The following PSMG4 variants were observed in gnomAD, a reference collection of about 807,000 sequenced individuals.
PSMG4 encodes the protein proteasome (prosome, macropain) assembly chaperone 4.
A neutral mutation model predicts 11.0 loss-of-function variants in PSMG4; 10 were observed. The ratio of observed to expected loss-of-function variants is 0.91; its 90% confidence interval spans 0.56 to 1.54. PSMG4 has a LOEUF of 1.54. PSMG4 is among the 40% of genes most tolerant of loss of function. PSMG4 has a pLI of 0.00. For synonymous variants in PSMG4, 95 were observed against 71.3 expected, an observed-to-expected ratio of 1.33 and a Z score of -1.68; for missense variants, 198 against 160.9, an observed-to-expected ratio of 1.23 and a Z score of -1.25.
At chr6:3,258,007 C>G (rs1757823954), upstream of PSMG4, among the ~76,000 whole-genome samples, 1 of 152,204 alleles carries the variant, frequency 6.6e-6, no homozygotes. Context: ...ATTTTTAAAG[C>G]AGACCTTTTA....
chr6:3,255,174 T>A, upstream of PSMG4: 1 of 1,550,774 alleles, frequency 6.4e-7, no homozygotes, highest in Non-Finnish European at 8.7e-7. Context: ...ACGGCTTACA[T>A]GTGCGCTCTG....
intron 1 of PSMG4, 112 bp downstream of exon 1, chr6:3,259,308 C>A: frequency 1.0e-6 from 1 of 979,406 alleles, no homozygotes; most frequent in Non-Finnish European, 1.3e-6. Context: ...GCGCCCTACT[C>A]CCCCGAAGCC....
chr6:3,256,243 A>AG, upstream of PSMG4, among the ~76,000 whole-genome samples: 1 of 152,318 alleles, frequency 6.6e-6, no homozygotes, highest in South Asian at 2.1e-4. Flanking sequence ...CCTATAGGGC[A>AG]CAGATCCAAT....
chr6:3,259,516 C>A (rs1016564517), intron 1 of PSMG4, among the ~76,000 whole-genome samples: 1 of 152,234 alleles, frequency 6.6e-6, no homozygotes, highest in African/African-American at 2.4e-5. Flanking sequence ...AGCTCTCCTG[C>A]CATCTGGATT....
chr6:3,260,285 ATATATAT>A (rs1330517072), intron 1 of PSMG4, among the ~76,000 whole-genome samples: 4 of 13,462 alleles, frequency 3.0e-4, no homozygotes, highest in African/African-American at 8.1e-4. Flanking sequence ...TTGTATATAT[ATATATAT>A]TTTTTTTTTT....
chr6:3,255,472 C>T (rs1443768634), upstream of PSMG4, among the ~76,000 whole-genome samples: 5 of 152,104 alleles, frequency 3.3e-5, no homozygotes, highest in East Asian at 1.9e-4. Flanking sequence ...ATCTTCCCGT[C>T]TTTCTCCCCA....
chr6:3,255,238 TCC>T (rs1757719110), upstream of PSMG4: 1 of 1,549,196 alleles, frequency 6.5e-7, no homozygotes, highest in African/African-American at 1.4e-5. Flanking sequence ...TGGTAAGCCT[TCC>T]ATGCTGTTGG....
At chr6:3,255,186 T>C, upstream of PSMG4, 1 of 1,550,664 alleles carries the variant, frequency 6.4e-7, no homozygotes, top group Non-Finnish European at 8.7e-7. Flanking sequence ...TGCGCTCTGG[T>C]GGAAGTAGGA....
At chr6:3,266,525 G>A (rs35670469) in intron 2 of PSMG4, 103,248 of 152,054 alleles carry the variant, frequency 0.68, 38,236 homozygotes, top group Non-Finnish European at 0.83. Context: ...AGGAGGCCGC[G>A]CAGTGGGGCA....
intron 1 of PSMG4, among the ~76,000 whole-genome samples, chr6:3,259,700 C>G (rs139221517): frequency 7.9e-5 from 12 of 152,200 alleles, no homozygotes; most frequent in Non-Finnish European, 1.8e-4. Flanking sequence ...TCGCAGTTGT[C>G]TTTGATTCCT....
At chr6:3,259,534 C>G (rs1757893041) in intron 1 of PSMG4, among the ~76,000 whole-genome samples, 1 of 152,244 alleles carries the variant, frequency 6.6e-6, no homozygotes, top group Non-Finnish European at 1.5e-5. Flanking sequence ...ATTTTGAGCA[C>G]ACTGATAATT....
At chr6:3,263,914 T>TA in intron 2 of PSMG4, 155 bp downstream of exon 2, 1 of 1,433,876 alleles carries the variant, frequency 7.0e-7, no homozygotes, top group Non-Finnish European at 9.2e-7. Flanking sequence ...CGTTGGGTCT[T>TA]ATTTAAGGGG....
At position 3,264,245 on chromosome 6, in the gene PSMG4, G is replaced by T. The variant is rs763400869; in HGVS notation, c.250+486G>T. 5.8e-6 allele frequency: 9 copies of T among 1,551,476 alleles called. No homozygotes were observed. The South Asian group carries it at 1.1e-4, about 18-fold the overall frequency. ...AAGACTGGCCTGGCCTGTGAGTGTG[G>T]CGTAGAGTGGGGATTAAGCAAAGGT... is the stretch of plus-strand genomic sequence containing the variant. On this transcript the variant is annotated intron_variant, in intron 2 of 2. Transcript: ENST00000438998.
chr6:3,255,205 G>A (rs116616485), upstream of PSMG4: 829 of 1,550,316 alleles, frequency 5.3e-4, 3 homozygotes, highest in African/African-American at 9.3e-3. Context: ...GATGTTTGGT[G>A]GCAGCAGGAG....
chr6:3,255,081 C>G, upstream of PSMG4: 3 of 1,550,990 alleles, frequency 1.9e-6, no homozygotes, highest in South Asian at 3.6e-5. Context: ...TGCTTCTATT[C>G]CTAAGAAGTT....
chr6:3,256,904 G>A (rs2127253881), upstream of PSMG4, among the ~76,000 whole-genome samples: 1 of 152,268 alleles, frequency 6.6e-6, no homozygotes, highest in East Asian at 1.9e-4. Context: ...TTTTTGAAGT[G>A]GACCTAGGTG....
chr6:3,254,815 A>G (rs1050889256), upstream of PSMG4, among the ~76,000 whole-genome samples: 10 of 152,256 alleles, frequency 6.6e-5, no homozygotes, highest in African/African-American at 2.4e-4. Flanking sequence ...CAAGACACCA[A>G]TTCTGGACAC....
upstream of PSMG4, among the ~76,000 whole-genome samples, chr6:3,254,692 A>T (rs976422085): frequency 2.6e-5 from 4 of 152,088 alleles, no homozygotes; most frequent in Admixed American, 1.3e-4. Flanking sequence ...ACTCAACAGA[A>T]AGAAGCTGTG....
chr6:3,254,907 C>T (rs187443068), upstream of PSMG4: 43 of 885,360 alleles, frequency 4.9e-5, no homozygotes, highest in East Asian at 4.0e-4. Flanking sequence ...TGAATGATCT[C>T]TGAGCTGGTG....
Sources: allele counts gnomAD v4.1 joint callset (sites outside exome capture counted in the v4.1 genomes callset), GRCh38; gene constraint gnomAD v4.1.1; transcripts MANE v1.5; gene names NCBI Gene and HGNC (gene_info 2026-07-23, HGNC 2026-07-21).